KAT6B: variants seen among roughly 807,000 people sequenced by gnomAD.
KAT6B encodes histone acetyltransferase KAT6B.
Under a neutral mutation model 187.5 loss-of-function variants are expected in KAT6B, and 10 were observed. The ratio of observed to expected loss-of-function variants is 0.05; its 90% CI spans 0.03 to 0.09. KAT6B has a LOEUF of 0.09. Among genes scored for constraint, KAT6B ranks in the 10% least tolerant of loss-of-function variants. KAT6B has a pLI of 1.00. For missense variants in KAT6B, 1,952 were observed against 2,558.9 expected (o/e 0.76, Z 5.12); for synonymous variants, 861 against 926.8 (o/e 0.93, Z 1.29).
chr10:74,852,826 T>C (rs1842562712), intron 3 of KAT6B, among the ~76,000 whole-genome samples: 1 of 152,214 alleles, frequency 6.6e-6, no homozygotes, highest in Admixed American at 6.5e-5. Flanking sequence ...ATGTAACACA[T>C]GATCCTGTCC....
intron 3 of KAT6B, among the ~76,000 whole-genome samples, chr10:74,885,677 G>A (rs1488835018): frequency 6.6e-6 from 1 of 151,986 alleles, no homozygotes; most frequent in Non-Finnish European, 1.5e-5. Flanking sequence ...TGGGACTTAG[G>A]TGAGGCTGCC....
intron 10 of KAT6B, among the ~76,000 whole-genome samples, chr10:74,981,230 A>G (rs1004798411): frequency 8.5e-5 from 13 of 152,212 alleles, no homozygotes; most frequent in Non-Finnish European, 1.8e-4. Flanking sequence ...AGCACATATT[A>G]TGGATTATAT....
Position 75,021,213 on chromosome 10 carries a change from C to A in KAT6B, c.2949C>A (p.Asp983Glu). 1 of 1,614,110 alleles carries A rather than the reference C, an allele frequency of 6.2e-7. No individual in the cohort carries two copies. ...TCSRANELDP[D>E]SLRWTPILIS... ...CCAGAGCCAATGAACTTGATCCAGA[C>A]AGTCTGAGGTGGACCCCAATTTTAA... Residue 983 changes from aspartate (D) to glutamate (E), a missense_variant, in exon 15 of 18, where the codon GAC becomes GAA. Asp to Glu is a conservative substitution (Grantham distance 45). This residue lies in a region of KAT6B where 758 missense variants were observed against 891.4 expected (regional missense o/e 0.85). Coordinates refer to ENST00000287239, the MANE Select transcript of KAT6B (RefSeq NM_012330.4).
intron 1 of KAT6B, among the ~76,000 whole-genome samples, chr10:74,834,155 C>T (rs78087430): frequency 9.4e-4 from 143 of 152,104 alleles, no homozygotes; most frequent in African/African-American, 3.2e-3. Context: ...TCATCTGTCA[C>T]GTTCACACAC....
rs1424681054 is a variant in KAT6B, at chr10:75,021,194, C to T, written c.2930C>T (p.Ala977Val). Residue 977 changes from alanine to valine, a missense_variant, in exon 15 of 18, where the codon GCC (alanine) becomes GTC (valine). Physicochemically the swap from Ala to Val is moderately conservative, Grantham distance 64. Coordinates refer to ENST00000287239, the MANE Select transcript of KAT6B (RefSeq NM_012330.4). ...HMEKLKTCSRANELDPDSLRW... is the reference protein window; with the variant it reads ...HMEKLKTCSRVNELDPDSLRW... The stretch of plus-strand genomic sequence containing the variant: ...GAAAAGCTGAAAACCTGTTCCAGAG[C>T]CAATGAACTTGATCCAGACAGTCTG... 6.2e-7 allele frequency: 1 copy of T among 1,613,974 alleles called. No homozygotes were observed. The highest frequency in any genetic ancestry group is 1.1e-5 in the South Asian group (1 of 91,076).
At chr10:74,884,342 A>G (rs946751164) in intron 3 of KAT6B, among the ~76,000 whole-genome samples, 2 of 152,250 alleles carry the variant, frequency 1.3e-5, no homozygotes, top group Non-Finnish European at 2.9e-5. Context: ...CTAAGAATGC[A>G]TTGCCCTCTG....
intron 4 of KAT6B, among the ~76,000 whole-genome samples, chr10:74,968,500 C>T (rs1016931099): frequency 6.6e-6 from 1 of 151,814 alleles, no homozygotes; most frequent in African/African-American, 2.4e-5. Flanking sequence ...TATGAAGCAC[C>T]TGTTAAGCTT....
At chr10:74,825,757 T>A (rs1431552714), upstream of KAT6B, 1 of 150,604 alleles carries the variant, frequency 6.6e-6, no homozygotes, top group African/African-American at 2.5e-5. The surrounding 1 kb of genome is among the most constrained non-coding windows in gnomAD (Gnocchi z 5.0). Context: ...AGCCGGGGGG[T>A]GCACGCCCGG....
intron 3 of KAT6B, among the ~76,000 whole-genome samples, chr10:74,938,115 C>CGTT (rs1039385736): frequency 6.6e-6 from 1 of 152,096 alleles, no homozygotes; most frequent in Non-Finnish European, 1.5e-5. Flanking sequence ...CTGGCTGTTT[C>CGTT]GTTGTTGTTG....
At chr10:74,958,123 G>A (rs1589703450) in intron 3 of KAT6B, among the ~76,000 whole-genome samples, 1 of 152,202 alleles carries the variant, frequency 6.6e-6, no homozygotes, top group Admixed American at 6.5e-5. Flanking sequence ...TGAATGTTTG[G>A]TCATGAGATG....
At chr10:74,864,901 ATAT>A (rs1285977467) in intron 3 of KAT6B, among the ~76,000 whole-genome samples, 2 of 152,224 alleles carry the variant, frequency 1.3e-5, no homozygotes, top group East Asian at 3.8e-4. Context: ...TTGTAAGCTA[ATAT>A]TATACCTACG....
chr10:74,909,546 G>A (rs1564557118), intron 3 of KAT6B, among the ~76,000 whole-genome samples: 1 of 152,142 alleles, frequency 6.6e-6, no homozygotes. Context: ...ACATCTTTCT[G>A]GATAATCTTC....
intron 13 of KAT6B, among the ~76,000 whole-genome samples, chr10:75,018,222 G>C (rs1845125342): frequency 6.6e-6 from 1 of 152,218 alleles, no homozygotes; most frequent in Non-Finnish European, 1.5e-5. Context: ...TGCAAGCACA[G>C]TGCAAGGGTG....
upstream of KAT6B, among the ~76,000 whole-genome samples, chr10:74,825,918 G>C (rs979915556): frequency 1.3e-5 from 2 of 151,488 alleles, no homozygotes; most frequent in Non-Finnish European, 3.0e-5. This position sits in a 1 kb window ranked among gnomAD's most constrained non-coding sequence, Gnocchi z 5.0. Flanking sequence ...CGCCCGGGAC[G>C]GGACGGGACG....
intron 4 of KAT6B, 139 bp from the exon 5 acceptor site, chr10:74,969,521 T>C: frequency 1.5e-6 from 1 of 682,862 alleles, no homozygotes; most frequent in Non-Finnish European, 2.7e-6. Context: ...TAATTCGGAT[T>C]CTCTGATCTG....
intron 1 of KAT6B, among the ~76,000 whole-genome samples, chr10:74,830,466 C>T (rs1191615050): frequency 2.0e-5 from 3 of 151,810 alleles, no homozygotes; most frequent in South Asian, 2.1e-4. Context: ...ATTTTCCCAG[C>T]GTAACTGTAA....
rs185756518 is a variant in KAT6B at position 74,962,838 on chromosome 10, C to T, written c.730+2760C>T. 5.9e-5 allele frequency among the ~76,000 whole-genome samples: 9 copies of T among 151,672 alleles called. No individual in the cohort carries two copies. In the East Asian group the frequency reaches 1.7e-3, roughly 29 times the overall value. On this transcript the variant is annotated intron_variant, in intron 4 of 17. Coordinates refer to ENST00000287239, the MANE Select transcript of KAT6B (RefSeq NM_012330.4). The stretch of plus-strand genomic sequence containing the variant: ...TTTAAATGGGCAGTATTTTCTTTAA[C>T]AGTTTTTTTTTCTACTAAAAATTCT...
Position 75,011,265 on chromosome 10 carries a change from A to G in KAT6B, c.2630-9317A>G, listed in dbSNP as rs567026892. ...TAATTTTAAAATGCCAAATTACTTC[A>G]TCTTTAAATTTTTAAAAATAAATGT... On this transcript the variant is annotated intron_variant, in intron 13 of 17. Transcript: ENST00000287239. Among the ~76,000 whole-genome samples, 28 of 152,314 alleles carry G rather than the reference A, an allele frequency of 1.8e-4. No homozygotes were observed. The South Asian group carries it at 5.6e-3, about 30-fold the overall frequency.
At chr10:74,833,091 C>T (rs1039835990) in intron 1 of KAT6B, among the ~76,000 whole-genome samples, 6 of 146,112 alleles carry the variant, frequency 4.1e-5, no homozygotes, top group African/African-American at 1.0e-4. Flanking sequence ...GCCGAGATCA[C>T]GCCATTGCAC....
Sources: allele counts gnomAD v4.1 joint callset (sites outside exome capture counted in the v4.1 genomes callset), GRCh38; gene constraint gnomAD v4.1.1; regional missense constraint gnomAD v4.1.1; non-coding constraint Gnocchi (gnomAD v3.1); transcripts MANE v1.5; gene names NCBI Gene and HGNC (gene_info 2026-07-23, HGNC 2026-07-21).